MEF2A: variants seen among roughly 807,000 people sequenced by gnomAD.
The protein encoded by MEF2A is myocyte enhancer factor 2A, also known as myocyte-specific enhancer factor 2A.
A neutral mutation model predicts 55.8 loss-of-function variants in MEF2A; 28 were observed. The ratio of observed to expected loss-of-function variants is 0.50; its 90% CI spans 0.37 to 0.69. The LOEUF is 0.69. MEF2A is among the 30% of genes least tolerant of loss of function. The pLI is 0.00. For synonymous variants in MEF2A, 239 were observed against 227.1 expected, an observed-to-expected ratio of 1.05 and a Z score of -0.47; for missense variants, 528 against 626.2, an observed-to-expected ratio of 0.84 and a Z score of 1.67.
At chr15:99,697,903 TC>T (rs556844335) in intron 8 of MEF2A, among the ~76,000 whole-genome samples, 1 of 152,138 alleles carries the variant, frequency 6.6e-6, no homozygotes, top group South Asian at 2.1e-4. Flanking sequence ...ACAAAACGGC[TC>T]AGAAAATTTA....
At chr15:99,647,543 A>C (rs2046169368) in intron 4 of MEF2A, among the ~76,000 whole-genome samples, 1 of 152,202 alleles carries the variant, frequency 6.6e-6, no homozygotes, top group African/African-American at 2.4e-5. Context: ...CGGAGAATGT[A>C]GTCTGATTTA....
At chr15:99,657,907 C>T (rs148816158) in intron 4 of MEF2A, among the ~76,000 whole-genome samples, 6 of 152,276 alleles carry the variant, frequency 3.9e-5, no homozygotes, top group African/African-American at 1.2e-4. Flanking sequence ...AGTTCCAAGT[C>T]ATATAATACC....
chr15:99,583,037 A>G (rs772857593), intron 1 of MEF2A, among the ~76,000 whole-genome samples: 1 of 152,114 alleles, frequency 6.6e-6, no homozygotes, highest in Non-Finnish European at 1.5e-5. Context: ...TTAAGATTCA[A>G]ACTAATACTT....
At chr15:99,678,591 C>T (rs552964405) in intron 7 of MEF2A, 8 of 904,556 alleles carry the variant, frequency 8.8e-6, no homozygotes, top group Admixed American at 6.2e-5. Context: ...TTGCCTTGTT[C>T]GTATTTTAAT....
At chr15:99,634,008 CAG>C in intron 3 of MEF2A, among the ~76,000 whole-genome samples, 1 of 152,166 alleles carries the variant, frequency 6.6e-6, no homozygotes, top group Middle Eastern at 3.4e-3. Flanking sequence ...CTCCTTAGTT[CAG>C]AAGAAAGAAG....
intron 2 of MEF2A, chr15:99,620,895 A>G (rs2153263803): frequency 6.8e-6 from 1 of 148,118 alleles, no homozygotes; most frequent in East Asian, 2.0e-4. Context: ...CCCCAGGCTG[A>G]AGTGCAGTGG....
intron 4 of MEF2A, among the ~76,000 whole-genome samples, chr15:99,652,971 T>C (rs71403455): frequency 0.061 from 9,308 of 152,312 alleles, 366 homozygotes; most frequent in East Asian, 0.17. Context: ...TATTATCTTA[T>C]GGCAGAAGTG....
chr15:99,678,238 T>C lies in MEF2A; in HGVS notation c.670+2780T>C, dbSNP rs146204417. On this transcript the variant is annotated intron_variant, in intron 7 of 11. Coordinates refer to ENST00000557942, the MANE Select transcript of MEF2A (RefSeq NM_001319206.4). ...AGATTTTCCAGTTATCTTTGAGATA[T>C]TATTTTCTAGCCAGATTGTTTTGTT... Among the ~76,000 whole-genome samples the C allele has an allele frequency of 3.5e-4, 53 of 152,322 alleles. No homozygotes were observed. In the East Asian group the frequency reaches 6.7e-3, roughly 19 times the overall value.
chr15:99,570,660 T>C (rs1269714617), intron 1 of MEF2A, among the ~76,000 whole-genome samples: 2 of 152,200 alleles, frequency 1.3e-5, no homozygotes, highest in Non-Finnish European at 2.9e-5. Context: ...ATTGTAACTT[T>C]TGGGCTTAAT....
At chr15:99,616,744 A>T (rs922321704) in intron 2 of MEF2A, among the ~76,000 whole-genome samples, 30 of 152,146 alleles carry the variant, frequency 2.0e-4, no homozygotes, top group African/African-American at 7.0e-4. Flanking sequence ...GATGAGGGAC[A>T]TCTTTTGGGT....
intron 8 of MEF2A, among the ~76,000 whole-genome samples, chr15:99,692,574 G>A (rs1051067979): frequency 2.0e-5 from 3 of 152,152 alleles, no homozygotes; most frequent in African/African-American, 4.8e-5. Flanking sequence ...TGGAGGCCAG[G>A]TGTACACTGA....
chr15:99,580,180 T>G (rs1311653971), intron 1 of MEF2A, among the ~76,000 whole-genome samples: 2 of 152,094 alleles, frequency 1.3e-5, no homozygotes, highest in Admixed American at 6.6e-5. Context: ...GTTTGGGGGA[T>G]CAGTCAAAGA....
At chr15:99,646,904 G>T (rs1429179305) in intron 4 of MEF2A, among the ~76,000 whole-genome samples, 1 of 152,016 alleles carries the variant, frequency 6.6e-6, no homozygotes, top group African/African-American at 2.4e-5. Flanking sequence ...AGAAGTAAAG[G>T]TATAGCATAA....
At chr15:99,576,916 G>T (rs1044088192) in intron 1 of MEF2A, among the ~76,000 whole-genome samples, 9 of 151,906 alleles carry the variant, frequency 5.9e-5, no homozygotes, top group Non-Finnish European at 5.9e-5. Flanking sequence ...CAAAGTGCTG[G>T]GATTACAGGC....
At chr15:99,583,118 C>G (rs139435441) in intron 1 of MEF2A, among the ~76,000 whole-genome samples, 4 of 152,128 alleles carry the variant, frequency 2.6e-5, no homozygotes, top group African/African-American at 9.6e-5. Context: ...GCTTTAAGAC[C>G]TTTTGGAATT....
At chr15:99,626,217 T>C (rs7181767) in intron 2 of MEF2A, among the ~76,000 whole-genome samples, 69,820 of 151,960 alleles carry the variant, frequency 0.46, 17,601 homozygotes, top group Middle Eastern at 0.61. Context: ...TAGGAATTTG[T>C]CCATTTTATC....
At chr15:99,608,087 A>C (rs945091712) in intron 2 of MEF2A, among the ~76,000 whole-genome samples, 5 of 152,208 alleles carry the variant, frequency 3.3e-5, no homozygotes, top group African/African-American at 9.6e-5. Context: ...TTTTGAAGTT[A>C]GTAGTTTGGA....
At chr15:99,596,467 T>C (rs903818363) in intron 1 of MEF2A, among the ~76,000 whole-genome samples, 1 of 152,158 alleles carries the variant, frequency 6.6e-6, no homozygotes, top group Non-Finnish European at 1.5e-5. Context: ...AATTTGTTAG[T>C]ATAAAAAGAA....
chr15:99,589,600 A>G (rs1456171740), intron 1 of MEF2A, among the ~76,000 whole-genome samples: 1 of 152,066 alleles, frequency 6.6e-6, no homozygotes, highest in Non-Finnish European at 1.5e-5. Context: ...CTGTTAAACC[A>G]TTATTTTTTC....
Sources: allele counts gnomAD v4.1 joint callset (sites outside exome capture counted in the v4.1 genomes callset), GRCh38; gene constraint gnomAD v4.1.1; transcripts MANE v1.5; gene names NCBI Gene and HGNC (gene_info 2026-07-23, HGNC 2026-07-21).